MXRA7: variants seen among roughly 807,000 people sequenced by gnomAD.
The protein encoded by MXRA7 is matrix-remodeling-associated protein 7.
A neutral mutation model predicts 17.4 loss-of-function variants in MXRA7; 18 were observed. The ratio of observed to expected loss-of-function variants is 1.03; its 90% CI spans 0.71 to 1.53. MXRA7 has a LOEUF of 1.53. MXRA7 is among the 40% of genes most tolerant of loss of function. The pLI is 0.00. For synonymous variants in MXRA7, 70 were observed against 101.7 expected, an observed-to-expected ratio of 0.69 and a Z score of 1.87; for missense variants, 141 against 209.3, an observed-to-expected ratio of 0.67 and a Z score of 2.01.
At position 76,710,933 on chromosome 17, in the gene MXRA7, G is replaced by A; in HGVS notation, c.14C>T (p.Ala5Val). The A allele has an allele frequency of 1.0e-6, 1 of 996,618 alleles. No homozygotes were observed. Among genetic ancestry groups the A allele is most frequent in the Non-Finnish European group, 1.2e-6 (1 of 840,584 alleles). The allele number at this position is 996,618 out of a possible 1,614,324, so 61.7% of individuals were successfully genotyped here. The change falls in exon 1 of 4, where the codon GCC becomes GTC. Residue 5 changes from alanine to valine, a missense_variant. By Grantham distance (64) the Ala-to-Val change is moderately conservative (BLOSUM62 0). Transcript: ENST00000449428. Reference protein sequence around the residue: MEAPAELLAALPALA... With the variant: MEAPVELLAALPALA... Reference sequence around the variant, plus strand: ...CGCAGGCAGCGCGGCCAGTAGCTCGGCCGGCGCCTCCATCGCGCCGCGGCC... The same window carrying A: ...CGCAGGCAGCGCGGCCAGTAGCTCGACCGGCGCCTCCATCGCGCCGCGGCC...
In MXRA7 at chr17:76,695,499, C is replaced by T. The variant is rs189574218; in HGVS notation, c.343-7323G>A. 1.1e-4 allele frequency among the ~76,000 whole-genome samples: 16 copies of T among 152,306 alleles called. No individual in the cohort carries two copies. The East Asian group carries it at 2.5e-3, about 24-fold the overall frequency. The stretch of plus-strand genomic sequence containing the variant: ...TTACCTTCGTGCCTCCCTCATAGCA[C>T]GCCCATCTTTCCTTCCGCTTTGGCA... On this transcript the variant is annotated intron_variant, in intron 1 of 3. Transcript: ENST00000449428.
At chr17:76,679,287 C>A (rs796244526), downstream of MXRA7, among the ~76,000 whole-genome samples, 202 of 121,540 alleles carry the variant, frequency 1.7e-3, no homozygotes, top group Non-Finnish European at 1.7e-3. Context: ...GGCCCTGTCT[C>A]AAAAAAAAAA....
rs10459895 is a variant in MXRA7 at position 76,700,016 on chromosome 17, G to A, written c.342+10589C>T. Among the ~76,000 whole-genome samples, 31 of 152,274 alleles carry A rather than the reference G, an allele frequency of 2.0e-4. No individual in the cohort carries two copies. The East Asian group carries it at 6.0e-3, about 29-fold the overall frequency. Reference sequence around the variant, plus strand: ...ACTCTGTCACCCAGGTTGGAGTGCAGTGGCACAATCTCGGCTCACTGCAAC... The same window carrying A: ...ACTCTGTCACCCAGGTTGGAGTGCAATGGCACAATCTCGGCTCACTGCAAC... On this transcript the variant is annotated intron_variant, in intron 1 of 3. Coordinates refer to ENST00000449428, the MANE Select transcript of MXRA7 (RefSeq NM_198530.4).
At chr17:76,694,423 A>C (rs2076510682) in intron 1 of MXRA7, among the ~76,000 whole-genome samples, 1 of 152,150 alleles carries the variant, frequency 6.6e-6, no homozygotes, top group Non-Finnish European at 1.5e-5. Flanking sequence ...CAAGGGTTGG[A>C]TAGCCATGGA....
intron 1 of MXRA7, among the ~76,000 whole-genome samples, chr17:76,693,105 C>G (rs796794753): frequency 6.6e-6 from 1 of 152,210 alleles, no homozygotes; most frequent in African/African-American, 2.4e-5. Flanking sequence ...TAGGTTTGTA[C>G]ATTTAAACAT....
chr17:76,704,292 A>G (rs77351846), intron 1 of MXRA7, among the ~76,000 whole-genome samples: 59,589 of 128,190 alleles, frequency 0.46, 13,632 homozygotes, highest in Admixed American at 0.51. Flanking sequence ...TGCAAGCTCC[A>G]CCTCCCGGGT....
chr17:76,690,009 TAAAAAA>T (rs142146831), intron 1 of MXRA7: 1 of 130,940 alleles, frequency 7.6e-6, no homozygotes, highest in South Asian at 2.3e-4. Flanking sequence ...GACTGCATCT[TAAAAAA>T]AGAAAAAAAA....
intron 1 of MXRA7, among the ~76,000 whole-genome samples, chr17:76,695,353 GGTGTGTGT>G (rs71158054): frequency 2.0e-5 from 3 of 147,998 alleles, no homozygotes; most frequent in Admixed American, 6.7e-5. Context: ...TTTAGCTTCA[GGTGTGTGT>G]GTGTGTGTGT....
downstream of MXRA7, chr17:76,674,702 T>G (rs891671537): frequency 3.9e-5 from 6 of 152,336 alleles, no homozygotes; most frequent in Admixed American, 3.3e-4. Flanking sequence ...CAGGGGATGC[T>G]GGGCCCAGCC....
At chr17:76,676,482 G>A (rs2076242036), downstream of MXRA7, 1 of 152,282 alleles carries the variant, frequency 6.6e-6, no homozygotes, top group Non-Finnish European at 1.5e-5. Flanking sequence ...AACGCTCCCA[G>A]CTGGGCATGG....
intron 1 of MXRA7, among the ~76,000 whole-genome samples, chr17:76,704,200 ATTTTTTTT>A (rs1162372827): frequency 1.6e-5 from 1 of 63,398 alleles, no homozygotes; most frequent in Non-Finnish European, 2.8e-5. Flanking sequence ...CTTCCTTCAG[ATTTTTTTT>A]TTTTTTTTTT....
intron 1 of MXRA7, among the ~76,000 whole-genome samples, chr17:76,692,547 C>T (rs1021706715): frequency 6.6e-6 from 1 of 151,802 alleles, no homozygotes; most frequent in African/African-American, 2.4e-5. Flanking sequence ...GCCACCGCGC[C>T]CGGCCTGGAA....
Position 76,680,216 on chromosome 17 carries a change from G to C in MXRA7, c.*651C>G. On this transcript the variant is annotated 3_prime_UTR_variant, in exon 4 of 4. Coordinates refer to ENST00000449428, the MANE Select transcript of MXRA7 (RefSeq NM_198530.4). ...AGAACCTCAGTGAAAAGGTGTCTTA[G>C]CAATGAAAGGGCTGAATCCGAGATT... 25 of 943,552 alleles carry C rather than the reference G, an allele frequency of 2.6e-5. No homozygotes were observed. The highest frequency in any genetic ancestry group is 3.2e-5 in the Non-Finnish European group (25 of 792,862). The allele number at this position is 943,552 out of a possible 1,614,324, so 58.4% of individuals were successfully genotyped here.
Position 76,680,697 on chromosome 17 carries a change from G to C in MXRA7, c.*170C>G. 6.9e-7 allele frequency: 1 copy of C among 1,443,266 alleles called. No individual in the cohort carries two copies. Among genetic ancestry groups the C allele is most frequent in the Non-Finnish European group, 9.1e-7 (1 of 1,097,222 alleles). 89.4% of individuals were successfully genotyped at this position (1,443,266 alleles called of 1,614,324 possible). On this transcript the variant is annotated 3_prime_UTR_variant, in exon 4 of 4. Coordinates refer to ENST00000449428, the MANE Select transcript of MXRA7 (RefSeq NM_198530.4). ...GGGCCAAAGGTGTTCCCAGGATCCTGCTAGCCAAGGGACAAGTCCTGATTG... is the reference window on the plus strand; with the variant it reads ...GGGCCAAAGGTGTTCCCAGGATCCTCCTAGCCAAGGGACAAGTCCTGATTG...
downstream of MXRA7, chr17:76,674,952 T>G (rs1357597240): frequency 6.6e-6 from 1 of 152,182 alleles, no homozygotes; most frequent in African/African-American, 2.4e-5. Flanking sequence ...TAGTCTCCAA[T>G]AAAAGCCCAC....
At chr17:76,683,031 G>A (rs2076329002) in intron 3 of MXRA7, among the ~76,000 whole-genome samples, 1 of 152,174 alleles carries the variant, frequency 6.6e-6, no homozygotes, top group Admixed American at 6.5e-5. Flanking sequence ...CCCAGCTCTG[G>A]ACGTGGGTGG....
intron 2 of MXRA7, among the ~76,000 whole-genome samples, chr17:76,687,545 G>A (rs1230448939): frequency 6.6e-6 from 1 of 152,226 alleles, no homozygotes. Context: ...CCCAGCAGAA[G>A]CCACTCCATG....
At chr17:76,697,921 A>G (rs1297915592) in intron 1 of MXRA7, among the ~76,000 whole-genome samples, 1 of 148,568 alleles carries the variant, frequency 6.7e-6, no homozygotes, top group Non-Finnish European at 1.5e-5. Context: ...GAAGAGAGGG[A>G]TAGATAAGGC....
chr17:76,680,965 G>A lies in MXRA7; in HGVS notation c.501-86C>T, dbSNP rs146537764. On this transcript the variant is annotated intron_variant, in intron 3 of 3. Coordinates refer to ENST00000449428, the MANE Select transcript of MXRA7 (RefSeq NM_198530.4). The stretch of plus-strand genomic sequence containing the variant: ...GGCAAGGAAAGGGGGAAATGGGGAC[G>A]AGGAAGGAGAATGTTTGGAATTGCA... 7.0e-5 allele frequency: 77 copies of A among 1,099,346 alleles called. No homozygotes were observed. The African/African-American group carries it at 8.5e-4, about 12-fold the overall frequency. The allele number at this position is 1,099,346 out of a possible 1,614,324, so 68.1% of individuals were successfully genotyped here.
Sources: allele counts gnomAD v4.1 joint callset (sites outside exome capture counted in the v4.1 genomes callset), GRCh38; gene constraint gnomAD v4.1.1; transcripts MANE v1.5; gene names NCBI Gene and HGNC (gene_info 2026-07-23, HGNC 2026-07-21).